SALL2: variants seen among roughly 807,000 people sequenced by gnomAD.
The protein encoded by SALL2 is spalt like transcription factor 2.
Under a neutral mutation model 58.5 loss-of-function variants are expected in SALL2, and 32 were observed. The ratio of observed to expected loss-of-function variants is 0.55; its 90% CI spans 0.41 to 0.74. SALL2 has a LOEUF of 0.74. Ranked by LOEUF, SALL2 falls within the 30% of genes least tolerant of loss-of-function variation. The pLI is 0.00. For missense variants in SALL2, 1,201 were observed against 1,268.9 expected (o/e 0.95, Z 0.81); for synonymous variants, 516 against 513.6 (o/e 1.00, Z -0.06).
chr14:21,527,037 C>T (rs116734335), upstream of SALL2, among the ~76,000 whole-genome samples: 2,832 of 152,252 alleles, frequency 0.019, 77 homozygotes, highest in African/African-American at 0.063. Flanking sequence ...ACACCTAATT[C>T]ATAGAGTCCA....
chr14:21,530,075 TC>T (rs370786034), upstream of SALL2, among the ~76,000 whole-genome samples: 267 of 152,130 alleles, frequency 1.8e-3, no homozygotes, highest in African/African-American at 6.0e-3. Flanking sequence ...TCCCATCAGG[TC>T]CCCTCCCTAC....
In SALL2 at chr14:21,522,989, G is replaced by A. The variant is rs201036397; in HGVS notation, c.2733C>T (p.Cys911=). 132 of 1,614,078 alleles carry A rather than the reference G, an allele frequency of 8.2e-5. No individual in the cohort carries two copies. The highest frequency in any genetic ancestry group is 6.9e-4 in the South Asian group (63 of 91,084). The change falls in exon 2 of 2, where the codon TGC becomes TGT. Residue 911 remains cysteine (C), a synonymous_variant. Coordinates refer to ENST00000537235, the MANE Select transcript of SALL2 (RefSeq NM_001364564.1). ...EPGESSSRKA[C]EVCGQAFPSQ... ...AGGGAAAGGCCTGGCCACACACTTC[G>A]CAGGCCTTTCTGCTGCTGCTCTCTC...
rs1017477064 is a variant in SALL2, at chr14:21,525,886, C to T, written c.67+175G>A. 7.3e-5 allele frequency among the ~76,000 whole-genome samples: 11 copies of T among 151,182 alleles called. No individual in the cohort carries two copies. Among genetic ancestry groups the T allele is most frequent in the African/African-American group, 2.7e-4 (11 of 41,128 alleles). On this transcript the variant is annotated intron_variant, in intron 1 of 1. Transcript: ENST00000537235. This position sits in a 1 kb window ranked among gnomAD's most constrained non-coding sequence, Gnocchi z 4.4. ...GGGAGGGGGGCAAGAGCATGCTACT[C>T]CCCTCCTCAGCCACCCTCCCTTCCC... is the stretch of plus-strand genomic sequence containing the variant.
exon 1 of SALL2, chr14:21,537,051 A>C: frequency 2.9e-6 from 2 of 697,488 alleles, no homozygotes. Context: ...ACTGTGAAGC[A>C]GAGATGTTCT....
At position 21,522,070 on chromosome 14, in the gene SALL2, G is replaced by A. The variant is rs775990149; in HGVS notation, c.*634C>T. ...TTGGGTGCAGGAGGCTGAAATAGGA[G>A]GGGGGCTGTCTTCTCCTTGGCTTCC... On this transcript the variant is annotated 3_prime_UTR_variant, in exon 2 of 2. Transcript: ENST00000537235. 6.9e-6 allele frequency: 11 copies of A among 1,595,528 alleles called. No homozygotes were observed. The highest frequency in any genetic ancestry group is 6.6e-5 in the South Asian group (6 of 90,710).
chr14:21,525,944 G>C lies in SALL2; in HGVS notation c.67+117C>G. On this transcript the variant is annotated intron_variant, in intron 1 of 1. Transcript: ENST00000537235. This position sits in a 1 kb window ranked among gnomAD's most constrained non-coding sequence, Gnocchi z 4.4. ...CAAGCGAGTTCACGGAATAGGTGTGGGGACAGGGGCCTACGCAGAGAATCA... is the reference window on the plus strand; with the variant it reads ...CAAGCGAGTTCACGGAATAGGTGTGCGGACAGGGGCCTACGCAGAGAATCA... The C allele has an allele frequency of 1.9e-6, 2 of 1,041,026 alleles. No individual in the cohort carries two copies. The highest frequency in any genetic ancestry group is 2.9e-6 in the Non-Finnish European group (2 of 701,744). 64.5% of individuals were successfully genotyped at this position (1,041,026 alleles called of 1,614,324 possible).
At chr14:21,535,037 T>C (rs779142962) in intron 1 of SALL2, among the ~76,000 whole-genome samples, 1 of 152,158 alleles carries the variant, frequency 6.6e-6, no homozygotes, top group Non-Finnish European at 1.5e-5. Context: ...GAGCTTTTCA[T>C]GACACGTCTC....
At position 21,526,050 on chromosome 14, in the gene SALL2, C is replaced by A; in HGVS notation, c.67+11G>T. On this transcript the variant is annotated intron_variant, in intron 1 of 1. Transcript: ENST00000537235. ...CCCCACCCCTGCCCAGCCCGACCGA[C>A]CCTACCGCACCTCCGAGCTCTGCCG... 1 of 1,533,230 alleles carries A rather than the reference C, an allele frequency of 6.5e-7. No individual in the cohort carries two copies. The highest frequency in any genetic ancestry group is 8.7e-7 in the Non-Finnish European group (1 of 1,144,572). 95.0% of individuals were successfully genotyped at this position (1,533,230 alleles called of 1,614,324 possible).
chr14:21,524,352 T>C lies in SALL2; in HGVS notation c.1370A>G (p.Glu457Gly), dbSNP rs759953945. ...AGTGGCTGCCTCCTCCTCGGCCTTC[T>C]CTGGTGGCACGGACATACCATAAGG... ...GLPYGMSVPPEKAEEEAATPG... is the reference protein window; with the variant it reads ...GLPYGMSVPPGKAEEEAATPG... The change falls in exon 2 of 2, where the codon GAG becomes GGG. Residue 457 changes from glutamate (E) to glycine (G), a missense_variant. Coordinates refer to ENST00000537235, the MANE Select transcript of SALL2 (RefSeq NM_001364564.1). 1 of 1,614,140 alleles carries C rather than the reference T, an allele frequency of 6.2e-7. No individual in the cohort carries two copies. Among genetic ancestry groups the C allele is most frequent in the Middle Eastern group, 1.6e-4 (1 of 6,062 alleles).
Position 21,523,854 on chromosome 14 carries a change from G to C in SALL2, c.1868C>G (p.Ser623Ter). Residue 623 changes from serine to a stop codon, truncating the protein, a stop_gained, in exon 2 of 2, where the codon TCA (serine) becomes TGA (stop). Transcript: ENST00000537235. LOFTEE classifies it high-confidence loss of function. This position sits in a 1 kb window ranked among gnomAD's most constrained non-coding sequence, Gnocchi z 4.4. ...ACACTGGTTAGGTCCAGAAGAGGCT[G>C]AGGATGAAGGTGCAGGGGCAGAGGT... ...PTTSAPAPSS[S>*]ASSGPNQCVI... 1 of 1,614,262 alleles carries C rather than the reference G, an allele frequency of 6.2e-7. No individual in the cohort carries two copies. The highest frequency in any genetic ancestry group is 8.5e-7 in the Non-Finnish European group (1 of 1,180,048).
At chr14:21,530,852 T>A (rs1414679030), upstream of SALL2, among the ~76,000 whole-genome samples, 1 of 152,184 alleles carries the variant, frequency 6.6e-6, no homozygotes. Flanking sequence ...GCTCAAGGGA[T>A]CCTCCTGCCT....
chr14:21,528,712 G>A (rs1892386656), upstream of SALL2, among the ~76,000 whole-genome samples: 2 of 152,164 alleles, frequency 1.3e-5, no homozygotes, highest in Non-Finnish European at 2.9e-5. Context: ...CAGTAATTCA[G>A]TGAAGCAAGC....
chr14:21,524,558 G>T lies in SALL2; in HGVS notation c.1164C>A (p.Ile388=). 1 of 1,614,262 alleles carries T rather than the reference G, an allele frequency of 6.2e-7. No homozygotes were observed. Among genetic ancestry groups the T allele is most frequent in the Non-Finnish European group, 8.5e-7 (1 of 1,180,046 alleles). The part of the protein sequence containing the change: ...KVFGSDSALQ[I]HLRSHTGERP... ...TCTCACCCGTGTGGGAACGAAGGTGGATCTGCAGGGCACTGTCACTGCCAA... is the reference window on the plus strand; with the variant it reads ...TCTCACCCGTGTGGGAACGAAGGTGTATCTGCAGGGCACTGTCACTGCCAA... The change falls in exon 2 of 2, where the codon ATC becomes ATA. Residue 388 remains isoleucine (I), a synonymous_variant. Transcript: ENST00000537235.
In SALL2 at chr14:21,536,828, C is replaced by A. The variant is rs1270232344; in HGVS notation, c.-114+134G>T. On this transcript the variant is annotated intron_variant, in intron 1 of 1. Coordinates refer to the SALL2 transcript ENST00000541965. Reference sequence around the variant, plus strand: ...ACACAGGCTTGGACTTAGGGGCCCCCACCCCTCCCCAGGCACCCACCGTTC... The same window carrying A: ...ACACAGGCTTGGACTTAGGGGCCCCAACCCCTCCCCAGGCACCCACCGTTC... 5 of 1,612,570 alleles carry A rather than the reference C, an allele frequency of 3.1e-6. No homozygotes were observed. The East Asian group carries it at 1.1e-4, about 36-fold the overall frequency.
chr14:21,535,435 C>CTACA (rs1340066407), intron 1 of SALL2, among the ~76,000 whole-genome samples: 1 of 151,944 alleles, frequency 6.6e-6, no homozygotes, highest in Non-Finnish European at 1.5e-5. Flanking sequence ...TTTGGTCATA[C>CTACA]TACAGCACTT....
chr14:21,526,557 A>C, upstream of SALL2: 1 of 1,087,610 alleles, frequency 9.2e-7, no homozygotes, highest in Non-Finnish European at 1.1e-6. Context: ...CCATCTGCAG[A>C]TGCCTTTGCC....
At position 21,521,594 on chromosome 14, in the gene SALL2, C is replaced by G. The variant is rs1892033628; in HGVS notation, c.*1110G>C. 5.8e-6 allele frequency: 1 copy of G among 173,502 alleles called. No homozygotes were observed. Among genetic ancestry groups the G allele is most frequent in the African/African-American group, 2.4e-5 (1 of 42,042 alleles). The allele number at this position is 173,502 out of a possible 1,614,324, so 10.7% of individuals were successfully genotyped here. On this transcript the variant is annotated 3_prime_UTR_variant, in exon 2 of 2. Transcript: ENST00000537235. ...CCAGACATTCACAAGAATTTGAGGC[C>G]TTTTCCCTTACATCATGTCCCTTTC... is the stretch of plus-strand genomic sequence containing the variant.
rs775030177 is a variant in SALL2 at position 21,522,987 on chromosome 14, T to A, written c.2735A>T (p.Glu912Val). Reference protein sequence around the residue: ...PGESSSRKACEVCGQAFPSQA... With the variant: ...PGESSSRKACVVCGQAFPSQA... ...GGAGGGAAAGGCCTGGCCACACACT[T>A]CGCAGGCCTTTCTGCTGCTGCTCTC... is the stretch of plus-strand genomic sequence containing the variant. The change falls in exon 2 of 2, where the codon GAA (glutamate) becomes GTA (valine). Residue 912 changes from glutamate (E) to valine (V), a missense_variant. Glu to Val is a moderately radical substitution (Grantham distance 121). Around this residue, in one of 3 missense-constraint regions of SALL2, gnomAD observed 675 missense variants for 683.8 expected, o/e 0.99. Transcript: ENST00000537235. 4 of 1,614,124 alleles carry A rather than the reference T, an allele frequency of 2.5e-6. No individual in the cohort carries two copies. Among genetic ancestry groups the A allele is most frequent in the Non-Finnish European group, 3.4e-6 (4 of 1,180,018 alleles).
Position 21,524,519 on chromosome 14 carries a change from G to A in SALL2, c.1203C>T (p.Cys401=), listed in dbSNP as rs1347342527. ...RSHTGERPYK[C]NVCGNRFTTR... is the part of the protein sequence containing the mutation. ...TGGTAAAACGGTTTCCACAGACATT[G>A]CACTTATAGGGCCTCTCACCCGTGT... is the stretch of plus-strand genomic sequence containing the variant. Residue 401 remains cysteine, a synonymous_variant, in exon 2 of 2, where the codon TGC becomes TGT. Coordinates refer to ENST00000537235, the MANE Select transcript of SALL2 (RefSeq NM_001364564.1). 2.5e-6 allele frequency: 4 copies of A among 1,614,134 alleles called. No individual in the cohort carries two copies. The African/African-American group carries it at 4.0e-5, about 16-fold the overall frequency.
Sources: allele counts gnomAD v4.1 joint callset (sites outside exome capture counted in the v4.1 genomes callset), GRCh38; gene constraint gnomAD v4.1.1; regional missense constraint gnomAD v4.1.1; non-coding constraint Gnocchi (gnomAD v3.1); transcripts MANE v1.5; gene names NCBI Gene and HGNC (gene_info 2026-07-23, HGNC 2026-07-21).